TENM3: variants seen among roughly 807,000 people sequenced by gnomAD.
The protein encoded by TENM3 is teneurin transmembrane protein 3.
In TENM3, 63 loss-of-function variants were observed where a neutral mutation model predicts 255.1. That is an observed-to-expected ratio of 0.25 (90% CI 0.20 to 0.30). The LOEUF (loss-of-function observed/expected upper bound fraction) is 0.30, where lower values mean the gene tolerates loss of function less well. Among genes scored for constraint, TENM3 ranks in the 10% least tolerant of loss-of-function variants. TENM3 has a pLI of 1.00. For missense variants in TENM3, 2,929 were observed against 3,461.1 expected (o/e 0.85, Z 3.86); for synonymous variants, 1,306 against 1,322.3 (o/e 0.99, Z 0.27).
the TENM3 span, among the ~76,000 whole-genome samples, chr4:181,764,438 A>G: frequency 1.3e-5 from 2 of 152,200 alleles, no homozygotes; most frequent in Non-Finnish European, 2.9e-5. Context: ...CTTTTCTAAC[A>G]TCAACAACAA....
At chr4:182,734,891 G>A (rs758427568) in intron 16 of TENM3, among the ~76,000 whole-genome samples, 28 of 152,266 alleles carry the variant, frequency 1.8e-4, no homozygotes, top group East Asian at 3.9e-4. Context: ...TATAATATTC[G>A]TAAGAGAGTC....
the TENM3 span, among the ~76,000 whole-genome samples, chr4:181,882,080 AG>A: frequency 6.6e-6 from 1 of 152,192 alleles, no homozygotes; most frequent in Non-Finnish European, 1.5e-5. Context: ...TCAAGGTTTT[AG>A]TAAAAAGAAC....
the TENM3 span, among the ~76,000 whole-genome samples, chr4:182,121,075 T>A: frequency 3.3e-5 from 5 of 152,146 alleles, no homozygotes; most frequent in African/African-American, 1.2e-4. Flanking sequence ...CTTGGCTCAC[T>A]GCAACCTCCG....
At chr4:182,170,223 G>A (rs893520334) in intron 1 of TENM3, among the ~76,000 whole-genome samples, 6 of 151,978 alleles carry the variant, frequency 3.9e-5, no homozygotes, top group South Asian at 2.1e-4. Context: ...TTTGTATGTC[G>A]GTAATGTCAG....
intron 3 of TENM3, among the ~76,000 whole-genome samples, chr4:182,546,326 G>A (rs1741443428): frequency 6.6e-6 from 1 of 152,208 alleles, no homozygotes; most frequent in African/African-American, 2.4e-5. Context: ...AAAATTGACA[G>A]CAGGGGCCAT....
the TENM3 span, among the ~76,000 whole-genome samples, chr4:182,035,794 T>C: frequency 6.6e-6 from 1 of 152,190 alleles, no homozygotes; most frequent in African/African-American, 2.4e-5. Flanking sequence ...CGATGTCTCC[T>C]GCTTAAATCC....
At chr4:182,453,541 A>T (rs1291774931) in intron 3 of TENM3, among the ~76,000 whole-genome samples, 3 of 152,230 alleles carry the variant, frequency 2.0e-5, no homozygotes, top group African/African-American at 7.2e-5. Context: ...TACAAAATGT[A>T]ACAAAATGAC....
chr4:181,495,695 G>C, the TENM3 span, among the ~76,000 whole-genome samples: 6 of 152,082 alleles, frequency 3.9e-5, no homozygotes, highest in African/African-American at 1.4e-4. Context: ...TTGTGTGTAT[G>C]CCCCTGTGTG....
chr4:182,685,882 CAAAAGTT>C, intron 11 of TENM3, among the ~76,000 whole-genome samples: 1 of 152,032 alleles, frequency 6.6e-6, no homozygotes, highest in South Asian at 2.1e-4. Context: ...CTAAATAACT[CAAAAGTT>C]AATTCAGCCC....
At chr4:181,885,508 G>A in the TENM3 span, among the ~76,000 whole-genome samples, 1 of 151,914 alleles carries the variant, frequency 6.6e-6, no homozygotes, top group African/African-American at 2.4e-5. Context: ...TGATCTGCCC[G>A]CCTCGGCCTC....
chr4:182,664,548 C>T (rs1277497545), intron 6 of TENM3, among the ~76,000 whole-genome samples: 1 of 152,084 alleles, frequency 6.6e-6, no homozygotes, highest in Non-Finnish European at 1.5e-5. Context: ...AAGTCAAAAG[C>T]TAGAAATGAT....
chr4:182,042,188 T>A, the TENM3 span, among the ~76,000 whole-genome samples: 2 of 152,192 alleles, frequency 1.3e-5, no homozygotes, highest in South Asian at 2.1e-4. Context: ...TGATCAGCAC[T>A]TACATGTCAA....
At chr4:182,208,898 A>G (rs556302489) in intron 1 of TENM3, among the ~76,000 whole-genome samples, 1 of 151,910 alleles carries the variant, frequency 6.6e-6, no homozygotes, top group South Asian at 2.1e-4. Flanking sequence ...TTGGAAATCC[A>G]GCTGTCACTT....
chr4:182,653,453 C>A (rs1345320477), intron 5 of TENM3, among the ~76,000 whole-genome samples: 1 of 152,098 alleles, frequency 6.6e-6, no homozygotes, highest in Non-Finnish European at 1.5e-5. Flanking sequence ...GGGTGTTCTA[C>A]CAGTTACTTA....
At chr4:182,303,777 AT>A (rs1396050676) in intron 1 of TENM3, among the ~76,000 whole-genome samples, 3 of 152,200 alleles carry the variant, frequency 2.0e-5, no homozygotes, top group Non-Finnish European at 4.4e-5. Context: ...TACTCAATAC[AT>A]TTTAGCTATG....
At chr4:181,546,663 G>A in the TENM3 span, among the ~76,000 whole-genome samples, 11 of 139,358 alleles carry the variant, frequency 7.9e-5, no homozygotes, top group African/African-American at 2.5e-4. Context: ...GCAGCGAGCC[G>A]AGATCGCGCC....
At position 182,801,368 on chromosome 4, in the gene TENM3, A is replaced by G. The variant is rs1766958171; in HGVS notation, c.*1017A>G. 6.6e-6 allele frequency: 1 copy of G among 152,232 alleles called. No individual in the cohort carries two copies. The highest frequency in any genetic ancestry group is 1.5e-5 in the Non-Finnish European group (1 of 68,036). 9.4% of individuals were successfully genotyped at this position (152,232 alleles called of 1,614,324 possible). A position where few individuals can be genotyped will look rare whatever the true frequency, so the allele number is the denominator to read the frequency against. On this transcript the variant is annotated 3_prime_UTR_variant, in exon 28 of 28. Transcript: ENST00000511685. Reference sequence around the variant, plus strand: ...TCTTCCCTCTCTCACGCATCAGGCCAGTGTCCTCAGCATTGTCAACTGAGA... The same window carrying G: ...TCTTCCCTCTCTCACGCATCAGGCCGGTGTCCTCAGCATTGTCAACTGAGA...
chr4:182,232,894 A>T (rs1756671396), intron 1 of TENM3, among the ~76,000 whole-genome samples: 1 of 152,204 alleles, frequency 6.6e-6, no homozygotes, highest in African/African-American at 2.4e-5. Flanking sequence ...CCGATGGAGC[A>T]GGATAGCATG....
chr4:182,021,210 G>A, the TENM3 span, among the ~76,000 whole-genome samples: 1 of 152,006 alleles, frequency 6.6e-6, no homozygotes, highest in Non-Finnish European at 1.5e-5. Context: ...TAGCCTCCAG[G>A]GGCATCCATG....
Sources: gnomAD v4.1 joint callset for allele counts (sites outside exome capture counted in the v4.1 genomes callset) on GRCh38, gnomAD v4.1.1 for gene constraint, MANE v1.5 for transcripts, NCBI Gene and HGNC (gene_info 2026-07-23, HGNC 2026-07-21) for gene names.